MED1: variants seen among roughly 807,000 people sequenced by gnomAD.
MED1 encodes the protein mediator of RNA polymerase II transcription subunit 1.
Under a neutral mutation model 121.3 loss-of-function variants are expected in MED1, and 17 were observed. The observed-to-expected ratio is 0.14, with a 90% CI of 0.10 to 0.21. The LOEUF is 0.21. Ranked by LOEUF, MED1 falls within the 10% of genes least tolerant of loss-of-function variation. The pLI is 1.00. For missense variants in MED1, 1,558 were observed against 1,919.4 expected (o/e 0.81, Z 3.52); for synonymous variants, 661 against 694.4 (o/e 0.95, Z 0.76).
chr17:39,411,632 A>G (rs1205102918), intron 16 of MED1, among the ~76,000 whole-genome samples: 1 of 152,124 alleles, frequency 6.6e-6, no homozygotes, highest in Non-Finnish European at 1.5e-5. Flanking sequence ...AAAGGAAAAA[A>G]GAAAATGTCG....
In MED1 at chr17:39,443,559, C is replaced by A. The variant is rs1365101845; in HGVS notation, c.202G>T (p.Ala68Ser). 1.2e-6 allele frequency: 2 copies of A among 1,613,232 alleles called. No individual in the cohort carries two copies. The highest frequency in any genetic ancestry group is 1.7e-6 in the Non-Finnish European group (2 of 1,179,304). Residue 68 changes from alanine to serine, a missense_variant, in exon 3 of 17, where the codon GCT becomes TCT. Physicochemically the swap from Ala to Ser is moderately conservative, Grantham distance 99 (BLOSUM62 1). Transcript: ENST00000300651. ...AAAAGTGTTCACAAACCTTTGAGAG[C>A]CTTCTGCAATGTCTCCAAACAGCTG... ...LVSCLETLQK[A>S]LKVTSLPAMT...
chr17:39,408,612 G>A lies in MED1; in HGVS notation c.3609C>T (p.Asp1203=). ...CAGGCTTCATTGGAGAGGCAAGCTT[G>A]TCAGAGCCTCCAGGTGGCCTTGAAT... The part of the protein sequence containing the change: ...PSHSRPPGGS[D]KLASPMKPVP... The change falls in exon 17 of 17, where the codon GAC becomes GAT. Residue 1203 remains aspartate (D), a synonymous_variant. Transcript: ENST00000300651. The surrounding 1 kb of genome is among the most constrained non-coding windows in gnomAD (Gnocchi z 4.7). The A allele has an allele frequency of 1.2e-6, 2 of 1,614,174 alleles. No homozygotes were observed. Among genetic ancestry groups the A allele is most frequent in the East Asian group, 2.2e-5 (1 of 44,888 alleles).
chr17:39,414,725 A>G (rs975853162), intron 16 of MED1, among the ~76,000 whole-genome samples: 8 of 136,496 alleles, frequency 5.9e-5, no homozygotes, highest in Non-Finnish European at 9.2e-5. Context: ...GCTGGAGTGC[A>G]ATGGCGCAAT....
At chr17:39,434,951 G>A (rs541774591) in intron 6 of MED1, among the ~76,000 whole-genome samples, 2 of 152,198 alleles carry the variant, frequency 1.3e-5, no homozygotes, top group South Asian at 4.1e-4. Flanking sequence ...GGATCATGAG[G>A]TTAGGAGATC....
chr17:39,442,089 TGA>T (rs1021270000), intron 3 of MED1, among the ~76,000 whole-genome samples: 2 of 143,354 alleles, frequency 1.4e-5, no homozygotes, highest in Non-Finnish European at 3.0e-5. Flanking sequence ...GACGACAGAG[TGA>T]GACACTGTCT....
intron 2 of MED1, 149 bp downstream of exon 2, chr17:39,447,649 A>T (rs1335787462): frequency 2.0e-6 from 1 of 489,248 alleles, no homozygotes; most frequent in African/African-American, 2.0e-5. Context: ...TTCAACCTGT[A>T]GTATAGATAC....
At chr17:39,432,385 T>C (rs1240833394) in intron 7 of MED1, among the ~76,000 whole-genome samples, 2 of 137,732 alleles carry the variant, frequency 1.5e-5, no homozygotes, top group Non-Finnish European at 3.1e-5. Context: ...CATATATACA[T>C]ACAGACACAA....
In MED1 at chr17:39,423,729, C is replaced by T. The variant is rs963280207; in HGVS notation, c.944G>A (p.Arg315Lys). Residue 315 changes from arginine (R) to lysine (K), a missense_variant, in exon 12 of 17, where the codon AGA becomes AAA. Arg to Lys is a conservative substitution (Grantham distance 26). Coordinates refer to ENST00000300651, the MANE Select transcript of MED1 (RefSeq NM_004774.4). ...GTTCTGCAGTTTCTGAACAAATGCTCTAGATACTGGGATTGGCTGGGGAAA... is the reference window on the plus strand; with the variant it reads ...GTTCTGCAGTTTCTGAACAAATGCTTTAGATACTGGGATTGGCTGGGGAAA... ...LKFPQPIPVS[R>K]AFVQKLQNCT... The T allele has an allele frequency of 2.2e-5, 35 of 1,613,776 alleles. No homozygotes were observed. The highest frequency in any genetic ancestry group is 2.8e-5 in the Non-Finnish European group (33 of 1,179,972).
intron 14 of MED1, among the ~76,000 whole-genome samples, chr17:39,419,268 GGTTTTGCCAT>G (rs1463982092): frequency 1.3e-5 from 2 of 148,712 alleles, no homozygotes; most frequent in Non-Finnish European, 3.0e-5. Context: ...CTAGAGATGG[GGTTTTGCCAT>G]GTTCCTCAGA....
chr17:39,410,888 T>C (rs1197720541), intron 16 of MED1, among the ~76,000 whole-genome samples, 167 bp from the exon 17 acceptor site: 1 of 152,134 alleles, frequency 6.6e-6, no homozygotes, highest in Non-Finnish European at 1.5e-5. Context: ...GTAAATACAT[T>C]CTAAAAATCT....
At chr17:39,449,809 C>CTT (rs71147334) in intron 1 of MED1, among the ~76,000 whole-genome samples, 148 of 61,598 alleles carry the variant, frequency 2.4e-3, no homozygotes, top group Non-Finnish European at 3.3e-3. Context: ...CACACCCGGC[C>CTT]TTTTTTTTTT....
rs370296435 is a variant in MED1 at position 39,440,073 on chromosome 17, A to AAAGC, written c.399+309_399+312dup. ...GAAAGAAAAGAAAGAAAAGAAAAAG[A>AAAGC]AAGCAAGCAAGCAAGCAAGAAAGAA... On this transcript the variant is annotated intron_variant, in intron 5 of 16. Transcript: ENST00000300651. The surrounding 1 kb of genome is among the most constrained non-coding windows in gnomAD (Gnocchi z 4.1). Among the ~76,000 whole-genome samples the AAAGC allele has an allele frequency of 6.6e-6, 1 of 151,594 alleles. No individual in the cohort carries two copies. The highest frequency in any genetic ancestry group is 1.9e-4 in the East Asian group (1 of 5,168).
chr17:39,416,354 C>G (rs570319691), intron 14 of MED1, among the ~76,000 whole-genome samples: 1 of 152,152 alleles, frequency 6.6e-6, no homozygotes, highest in Non-Finnish European at 1.5e-5. Context: ...GATGTGCAGC[C>G]CATAGTTTGG....
At chr17:39,438,328 G>C (rs1374928872) in intron 6 of MED1, among the ~76,000 whole-genome samples, 1 of 139,340 alleles carries the variant, frequency 7.2e-6, no homozygotes, top group African/African-American at 2.7e-5. Context: ...CCACCACCAT[G>C]CCTGGCTAAT....
chr17:39,431,240 G>C, intron 8 of MED1, 52 bp from the exon 9 acceptor site: 1 of 1,421,828 alleles, frequency 7.0e-7, no homozygotes. Context: ...GATGGTCTTG[G>C]TACACACTGT....
At chr17:39,441,614 A>G (rs2048675409) in intron 3 of MED1, among the ~76,000 whole-genome samples, 1 of 151,924 alleles carries the variant, frequency 6.6e-6, no homozygotes, top group Non-Finnish European at 1.5e-5. Context: ...TAATAAAAAT[A>G]CAAAAATTAG....
chr17:39,447,633 G>A (rs1021742646), intron 2 of MED1, among the ~76,000 whole-genome samples, 165 bp downstream of exon 2: 6 of 152,118 alleles, frequency 3.9e-5, no homozygotes, highest in African/African-American at 1.2e-4. Flanking sequence ...TTTCATATAA[G>A]GGATATTCAA....
Position 39,405,374 on chromosome 17 carries a change from C to A in MED1, c.*2101G>T. 6.4e-7 allele frequency: 1 copy of A among 1,561,972 alleles called. No homozygotes were observed. Among genetic ancestry groups the A allele is most frequent in the South Asian group, 1.2e-5 (1 of 84,778 alleles). ...CTCATTTTGGTATTTGTTGGCCCTG[C>A]ATGGGGGAGCTGAGCCCATGATACT... On this transcript the variant is annotated 3_prime_UTR_variant, in exon 17 of 17. Transcript: ENST00000300651.
chr17:39,405,654 T>C lies in MED1; in HGVS notation c.*1821A>G. On this transcript the variant is annotated 3_prime_UTR_variant, in exon 17 of 17. Coordinates refer to ENST00000300651, the MANE Select transcript of MED1 (RefSeq NM_004774.4). ...ATTTGACTCTGATGTGGTTAATTGA[T>C]AACTTTTCTTGCTCCACTTTACAAT... 9.6e-7 allele frequency: 1 copy of C among 1,036,962 alleles called. No individual in the cohort carries two copies. The highest frequency in any genetic ancestry group is 1.2e-6 in the Non-Finnish European group (1 of 863,194). 64.2% of individuals were successfully genotyped at this position (1,036,962 alleles called of 1,614,324 possible). A position where few individuals can be genotyped will look rare whatever the true frequency, so the allele number is the denominator to read the frequency against.
Sources: gnomAD v4.1 joint callset for allele counts (sites outside exome capture counted in the v4.1 genomes callset) on GRCh38, gnomAD v4.1.1 for gene constraint, Gnocchi (gnomAD v3.1) non-coding constraint, MANE v1.5 for transcripts, NCBI Gene and HGNC (gene_info 2026-07-23, HGNC 2026-07-21) for gene names.